The following LHFPL3 variants were observed in gnomAD, a reference collection of about 807,000 sequenced individuals.
LHFPL3 encodes LHFPL tetraspan subfamily member 3 protein.
A neutral mutation model predicts 19.3 loss-of-function variants in LHFPL3; 5 were observed. That is an observed-to-expected ratio of 0.26 (90% CI 0.14 to 0.54). The LOEUF (loss-of-function observed/expected upper bound fraction) is 0.54, where lower values mean the gene tolerates loss of function less well. Among genes scored for constraint, LHFPL3 ranks in the 20% least tolerant of loss-of-function variants. The pLI, the probability that LHFPL3 is intolerant of heterozygous loss-of-function variation, is 0.94. For missense variants in LHFPL3, 249 were observed against 307.4 expected (o/e 0.81, Z 1.42); for synonymous variants, 133 against 126.2 (o/e 1.05, Z -0.36).
At chr7:104,650,840 T>G (rs760198262) in intron 1 of LHFPL3, among the ~76,000 whole-genome samples, 1 of 152,210 alleles carries the variant, frequency 6.6e-6, no homozygotes, top group Non-Finnish European at 1.5e-5. Flanking sequence ...CAACCGCTTA[T>G]GGTGACTCAA....
At chr7:104,488,006 T>C (rs1028298555) in intron 1 of LHFPL3, among the ~76,000 whole-genome samples, 3 of 152,216 alleles carry the variant, frequency 2.0e-5, no homozygotes, top group Admixed American at 6.5e-5. Context: ...ATGAAGTCCA[T>C]ATCTAGTTTC....
chr7:104,452,909 G>A (rs1026026319), intron 1 of LHFPL3, among the ~76,000 whole-genome samples: 1 of 152,170 alleles, frequency 6.6e-6, no homozygotes, highest in African/African-American at 2.4e-5. Context: ...CAGTACAGAT[G>A]ATTACATTGG....
At chr7:104,841,189 T>C (rs867204672) in intron 2 of LHFPL3, among the ~76,000 whole-genome samples, 1 of 152,108 alleles carries the variant, frequency 6.6e-6, no homozygotes, top group African/African-American at 2.4e-5. Context: ...TATAGAAAAA[T>C]GCACAAAAAG....
intron 1 of LHFPL3, among the ~76,000 whole-genome samples, chr7:104,331,251 C>T (rs1801562371): frequency 6.6e-6 from 1 of 152,176 alleles, no homozygotes; most frequent in African/African-American, 2.4e-5. Context: ...TAATGTTGTT[C>T]TCAGGCATTT....
At chr7:104,335,864 A>AAC (rs1447387914) in intron 1 of LHFPL3, among the ~76,000 whole-genome samples, 2 of 151,598 alleles carry the variant, frequency 1.3e-5, no homozygotes, top group African/African-American at 4.8e-5. Flanking sequence ...ATGAAAAAAA[A>AAC]AAAAAAAGAA....
intron 1 of LHFPL3, among the ~76,000 whole-genome samples, chr7:104,367,873 A>T (rs1584270970): frequency 6.6e-6 from 1 of 152,350 alleles, no homozygotes; most frequent in Middle Eastern, 3.4e-3. Context: ...AGCAAATTAC[A>T]TCTCTGTAAT....
In LHFPL3 at chr7:104,731,826, T is replaced by C. The variant is rs551324630; in HGVS notation, c.446-4849T>C. On this transcript the variant is annotated intron_variant, in intron 1 of 2. Transcript: ENST00000424859. Reference sequence around the variant, plus strand: ...CAGTTTTCAAAGGGAATGCTTCCAGTTTTTGCCCATTCAGTATGATATTGG... The same window carrying C: ...CAGTTTTCAAAGGGAATGCTTCCAGCTTTTGCCCATTCAGTATGATATTGG... Among the ~76,000 whole-genome samples the C allele has an allele frequency of 8.8e-3, 1,344 of 151,972 alleles. 22 individuals carry two copies. The highest frequency in any genetic ancestry group is 0.015 in the Non-Finnish European group (1,012 of 67,926).
intron 1 of LHFPL3, among the ~76,000 whole-genome samples, chr7:104,509,694 C>T (rs1169549257): frequency 6.6e-6 from 1 of 152,000 alleles, no homozygotes; most frequent in Non-Finnish European, 1.5e-5. Flanking sequence ...GATGTCTACT[C>T]TCACCACCCT....
intron 1 of LHFPL3, among the ~76,000 whole-genome samples, chr7:104,428,684 A>G (rs1791894391): frequency 6.6e-6 from 1 of 152,206 alleles, no homozygotes; most frequent in Non-Finnish European, 1.5e-5. Context: ...AGGATTTATA[A>G]AATAACTTGA....
At chr7:104,335,054 C>G (rs1436818124) in intron 1 of LHFPL3, among the ~76,000 whole-genome samples, 2 of 152,146 alleles carry the variant, frequency 1.3e-5, no homozygotes, top group Admixed American at 1.3e-4. Flanking sequence ...CAGGCCAAGC[C>G]CTCTCTGACA....
intron 1 of LHFPL3, among the ~76,000 whole-genome samples, chr7:104,588,397 T>A (rs1790630233): frequency 6.6e-6 from 1 of 152,352 alleles, no homozygotes; most frequent in Middle Eastern, 3.4e-3. Context: ...TGCTTGTTTT[T>A]GTCAGGTTTG....
intron 1 of LHFPL3, among the ~76,000 whole-genome samples, chr7:104,569,797 G>A (rs181605328): frequency 3.3e-5 from 5 of 152,206 alleles, no homozygotes; most frequent in Non-Finnish European, 7.3e-5. Context: ...TAGTAATGCT[G>A]AGTAACTTGC....
chr7:104,473,900 G>A (rs938130452), intron 1 of LHFPL3, among the ~76,000 whole-genome samples: 1 of 152,174 alleles, frequency 6.6e-6, no homozygotes, highest in Non-Finnish European at 1.5e-5. Flanking sequence ...ACATTTACTT[G>A]GGGATAAATA....
intron 2 of LHFPL3, among the ~76,000 whole-genome samples, chr7:104,777,720 A>G (rs565181723): frequency 6.6e-6 from 1 of 152,108 alleles, no homozygotes; most frequent in Non-Finnish European, 1.5e-5. Flanking sequence ...CTCTGGCTGT[A>G]CAATGCTCGG....
At chr7:104,754,039 G>A (rs1020051421) in intron 2 of LHFPL3, among the ~76,000 whole-genome samples, 1 of 152,142 alleles carries the variant, frequency 6.6e-6, no homozygotes, top group African/African-American at 2.4e-5. Context: ...AAGGGACCAT[G>A]TATGAGGATA....
chr7:104,903,750 G>A (rs1792540711), intron 2 of LHFPL3, among the ~76,000 whole-genome samples: 1 of 152,172 alleles, frequency 6.6e-6, no homozygotes, highest in Non-Finnish European at 1.5e-5. Context: ...GCAGGCATGA[G>A]CCACAATGCC....
At chr7:104,368,946 CTG>C (rs1037657642) in intron 1 of LHFPL3, among the ~76,000 whole-genome samples, 2 of 152,320 alleles carry the variant, frequency 1.3e-5, no homozygotes, top group Admixed American at 6.5e-5. Flanking sequence ...CTTACAGACA[CTG>C]TGCTATACAT....
intron 2 of LHFPL3, among the ~76,000 whole-genome samples, chr7:104,827,127 A>G (rs1790839276): frequency 6.6e-6 from 1 of 151,980 alleles, no homozygotes; most frequent in Non-Finnish European, 1.5e-5. Flanking sequence ...TCCAAAACCC[A>G]GGCTTCTTGA....
intron 1 of LHFPL3, among the ~76,000 whole-genome samples, chr7:104,480,439 CAT>C (rs1793111410): frequency 6.6e-6 from 1 of 152,018 alleles, no homozygotes; most frequent in African/African-American, 2.4e-5. Flanking sequence ...AGATGAAAAT[CAT>C]AGAGAAAATT....
Sources: allele counts gnomAD v4.1 joint callset (sites outside exome capture counted in the v4.1 genomes callset), GRCh38; gene constraint gnomAD v4.1.1; transcripts MANE v1.5; gene names NCBI Gene and HGNC (gene_info 2026-07-23, HGNC 2026-07-21).